The following GRIN2A variants were observed in gnomAD, a reference collection of about 807,000 sequenced individuals.
GRIN2A encodes the protein glutamate receptor ionotropic, NMDA 2A.
A neutral mutation model predicts 113.4 loss-of-function variants in GRIN2A; 22 were observed. The observed-to-expected ratio is 0.19, with a 90% CI of 0.14 to 0.28. The LOEUF (loss-of-function observed/expected upper bound fraction) is 0.28, where lower values mean the gene tolerates loss of function less well. GRIN2A is among the 10% of genes least tolerant of loss of function. The pLI, the probability that GRIN2A is intolerant of heterozygous loss-of-function variation, is 1.00. For missense variants in GRIN2A, 1,502 were observed against 1,887.0 expected (o/e 0.80, Z 3.78); for synonymous variants, 827 against 738.4 (o/e 1.12, Z -1.94).
intron 10 of GRIN2A, among the ~76,000 whole-genome samples, chr16:9,807,991 G>T (rs1453715582): frequency 6.6e-6 from 1 of 152,186 alleles, no homozygotes; most frequent in Non-Finnish European, 1.5e-5. Flanking sequence ...CTCATGCTCT[G>T]ACATAGGAAC....
chr16:9,837,302 CA>C (rs1489665084), intron 7 of GRIN2A, among the ~76,000 whole-genome samples: 2 of 152,042 alleles, frequency 1.3e-5, no homozygotes, highest in Non-Finnish European at 2.9e-5. Context: ...CCTCTGGTTA[CA>C]ATTTATTTTA....
chr16:10,079,891 T>C (rs7192140), intron 2 of GRIN2A, among the ~76,000 whole-genome samples: 79,338 of 152,050 alleles, frequency 0.52, 21,572 homozygotes, highest in East Asian at 0.96. Context: ...TTTTTATGTG[T>C]TTGTATCAGA....
intron 4 of GRIN2A, among the ~76,000 whole-genome samples, chr16:9,873,146 A>C (rs912418475): frequency 7.2e-5 from 11 of 152,216 alleles, no homozygotes; most frequent in Admixed American, 6.5e-4. Flanking sequence ...AGTTAGATGC[A>C]GAATGTGTAA....
chr16:9,854,913 T>C (rs561359155), intron 4 of GRIN2A, among the ~76,000 whole-genome samples: 2 of 152,072 alleles, frequency 1.3e-5, no homozygotes, highest in African/African-American at 4.8e-5. Flanking sequence ...TTTTTGGAGC[T>C]TGGAGGGAAA....
chr16:10,052,254 C>CT (rs1361772910), intron 2 of GRIN2A, among the ~76,000 whole-genome samples: 1 of 152,220 alleles, frequency 6.6e-6, no homozygotes, highest in Non-Finnish European at 1.5e-5. Flanking sequence ...AAACAAATGA[C>CT]TTTCCAAAGA....
chr16:10,010,177 G>C (rs543429723), intron 2 of GRIN2A, among the ~76,000 whole-genome samples: 6 of 152,214 alleles, frequency 3.9e-5, no homozygotes, highest in African/African-American at 1.2e-4. Flanking sequence ...GAACAGCAAG[G>C]CCTACCTGGT....
intron 2 of GRIN2A, among the ~76,000 whole-genome samples, chr16:10,099,590 C>T (rs945018413): frequency 5.3e-5 from 8 of 152,098 alleles, no homozygotes; most frequent in South Asian, 4.2e-4. Context: ...GAGAGTAGGA[C>T]GGGTCAGAAG....
intron 2 of GRIN2A, among the ~76,000 whole-genome samples, chr16:10,109,003 C>G (rs1314063008): frequency 4.2e-5 from 5 of 117,976 alleles, no homozygotes; most frequent in Non-Finnish European, 8.4e-5. Flanking sequence ...AAACCCAAAG[C>G]TGATTCTCTT....
intron 4 of GRIN2A, among the ~76,000 whole-genome samples, chr16:9,882,832 A>C (rs1041936974): frequency 2.0e-5 from 3 of 152,196 alleles, no homozygotes; most frequent in Admixed American, 1.3e-4. Context: ...ATAAATGCCT[A>C]TACCCTGAGT....
intron 2 of GRIN2A, among the ~76,000 whole-genome samples, chr16:9,994,821 T>C (rs760647734): frequency 1.3e-5 from 2 of 152,230 alleles, no homozygotes; most frequent in Non-Finnish European, 2.9e-5. Flanking sequence ...TTCCAGTGTC[T>C]CCTGTTGCTA....
At chr16:10,017,816 C>CA (rs1260268061) in intron 2 of GRIN2A, among the ~76,000 whole-genome samples, 5 of 139,922 alleles carry the variant, frequency 3.6e-5, no homozygotes, top group African/African-American at 5.3e-5. Flanking sequence ...AAAACCAATG[C>CA]AAAAAAAATG....
intron 12 of GRIN2A, among the ~76,000 whole-genome samples, chr16:9,768,636 G>A (rs142667146): frequency 1.3e-3 from 198 of 152,188 alleles, no homozygotes; most frequent in Admixed American, 6.1e-3. Flanking sequence ...CTCATGTCCC[G>A]CCTGCTGCAC....
Position 9,759,070 on chromosome 16 carries a change from C to G in GRIN2A, c.*4079G>C, listed in dbSNP as rs556332954. On this transcript the variant is annotated 3_prime_UTR_variant, in exon 13 of 13. Transcript: ENST00000330684. ...CATGTCCCCTTTTCAAGGATTCATGCACAACAGCTATGCACAAAGAAACAG... is the reference window on the plus strand; with the variant it reads ...CATGTCCCCTTTTCAAGGATTCATGGACAACAGCTATGCACAAAGAAACAG... 5.9e-5 allele frequency: 13 copies of G among 219,472 alleles called. No homozygotes were observed. In the South Asian group the frequency reaches 2.4e-3, roughly 41 times the overall value. 13.6% of individuals were successfully genotyped at this position (219,472 alleles called of 1,614,324 possible).
At chr16:9,997,546 G>A (rs2046247608) in intron 2 of GRIN2A, among the ~76,000 whole-genome samples, 1 of 152,092 alleles carries the variant, frequency 6.6e-6, no homozygotes, top group Non-Finnish European at 1.5e-5. Flanking sequence ...CCTCTTGACT[G>A]CCATCCCTAA....
At chr16:9,780,994 C>CTTTTT (rs5815547) in intron 11 of GRIN2A, among the ~76,000 whole-genome samples, 47,907 of 145,028 alleles carry the variant, frequency 0.33, 8,376 homozygotes, top group African/African-American at 0.42. Context: ...GGTCACTAAT[C>CTTTTT]TTTTTTTTTT....
intron 2 of GRIN2A, among the ~76,000 whole-genome samples, chr16:9,983,315 G>T (rs2045924797): frequency 6.6e-6 from 1 of 152,116 alleles, no homozygotes; most frequent in South Asian, 2.1e-4. Context: ...TGAGATCAAT[G>T]CTTTGAGCTT....
chr16:10,033,077 A>T (rs1238585494), intron 2 of GRIN2A, among the ~76,000 whole-genome samples: 1 of 152,154 alleles, frequency 6.6e-6, no homozygotes, highest in African/African-American at 2.4e-5. Flanking sequence ...GCACGTGATT[A>T]TACCTATATT....
intron 2 of GRIN2A, among the ~76,000 whole-genome samples, chr16:10,044,171 C>T (rs942824037): frequency 7.9e-5 from 12 of 151,656 alleles, no homozygotes; most frequent in Non-Finnish European, 1.3e-4. Context: ...GCAATTCTCC[C>T]GCCTCCGTCT....
chr16:10,128,154 A>G (rs1187239417), intron 2 of GRIN2A, among the ~76,000 whole-genome samples: 1 of 152,198 alleles, frequency 6.6e-6, no homozygotes, highest in East Asian at 1.9e-4. Flanking sequence ...TTCCGTAGGA[A>G]GATCACCACT....
Sources: gnomAD v4.1 joint callset for allele counts (sites outside exome capture counted in the v4.1 genomes callset) on GRCh38, gnomAD v4.1.1 for gene constraint, MANE v1.5 for transcripts, NCBI Gene and HGNC (gene_info 2026-07-23, HGNC 2026-07-21) for gene names.